The following SPATA17 variants were observed in gnomAD, a reference collection of about 807,000 sequenced individuals.
SPATA17 encodes spermatogenesis-associated protein 17.
A neutral mutation model predicts 62.2 loss-of-function variants in SPATA17; 53 were observed. The ratio of observed to expected loss-of-function variants is 0.85; its 90% confidence interval spans 0.68 to 1.07. The LOEUF is 1.07. Among genes scored for constraint, SPATA17 ranks in the 50% least tolerant of loss-of-function variants. SPATA17 has a pLI of 0.00. For synonymous variants in SPATA17, 146 were observed against 146.8 expected (o/e 0.99, Z 0.04); for missense variants, 466 against 425.5 (o/e 1.10, Z -0.84).
intron 5 of SPATA17, among the ~76,000 whole-genome samples, chr1:217,696,241 G>T (rs2102915590): frequency 6.6e-6 from 1 of 152,294 alleles, no homozygotes; most frequent in Admixed American, 6.5e-5. Flanking sequence ...ATTCGGGTGG[G>T]AGTGACCCGA....
At chr1:217,771,078 A>G (rs916511977) in intron 6 of SPATA17, among the ~76,000 whole-genome samples, 44 of 136,440 alleles carry the variant, frequency 3.2e-4, no homozygotes, top group African/African-American at 1.2e-3. Context: ...TGCCACATTC[A>G]CCACTGGGCC....
intron 9 of SPATA17, among the ~76,000 whole-genome samples, chr1:217,842,361 G>A (rs1675428801): frequency 6.6e-6 from 1 of 151,820 alleles, no homozygotes; most frequent in South Asian, 2.1e-4. Flanking sequence ...TTCAATTTTT[G>A]GAAGAGTTTG....
At chr1:217,846,176 T>C (rs1287931706) in intron 9 of SPATA17, among the ~76,000 whole-genome samples, 1 of 152,122 alleles carries the variant, frequency 6.6e-6, no homozygotes, top group East Asian at 1.9e-4. Context: ...CTAATGGGAT[T>C]CTAGATATAT....
At position 217,821,383 on chromosome 1, in the gene SPATA17, T is replaced by C. The variant is rs1160688270; in HGVS notation, c.1005+19533T>C. ...AAATGTGAGGAAGGCTAAGAGAATA[T>C]GCTTATCAAAAAAGTCAAGGAAAGA... On this transcript the variant is annotated intron_variant, in intron 9 of 10. Transcript: ENST00000366933. Among the ~76,000 whole-genome samples, 5 of 152,162 alleles carry C rather than the reference T, an allele frequency of 3.3e-5. No homozygotes were observed. The East Asian group carries it at 5.8e-4, about 18-fold the overall frequency.
At chr1:217,772,927 C>A (rs1673488739) in intron 6 of SPATA17, among the ~76,000 whole-genome samples, 1 of 152,032 alleles carries the variant, frequency 6.6e-6, no homozygotes, top group East Asian at 1.9e-4. Context: ...TAGGATGTTG[C>A]ATTTGGGATA....
At chr1:217,866,170 T>G (rs965629296) in intron 10 of SPATA17, among the ~76,000 whole-genome samples, 1 of 152,184 alleles carries the variant, frequency 6.6e-6, no homozygotes, top group South Asian at 2.1e-4. Flanking sequence ...AATTTTAGTT[T>G]AATAAGAAAA....
intron 6 of SPATA17, among the ~76,000 whole-genome samples, chr1:217,758,151 C>G (rs893258469): frequency 6.6e-6 from 1 of 152,166 alleles, no homozygotes; most frequent in Non-Finnish European, 1.5e-5. Context: ...GAGCCAAGTA[C>G]TCTTATAAGT....
chr1:217,653,823 A>T (rs944046677), intron 3 of SPATA17, among the ~76,000 whole-genome samples: 2 of 152,106 alleles, frequency 1.3e-5, no homozygotes, highest in East Asian at 3.9e-4. Context: ...ACATACGAAA[A>T]ACCCATATTT....
rs182685025 is a variant in SPATA17, at chr1:217,853,803, A to G, written c.1006-8971A>G. ...CTCATTAGCATTGAACTTGTGGCCA[A>G]TAGCACTATAACTCATGCTTGAATG... On this transcript the variant is annotated intron_variant, in intron 9 of 10. Transcript: ENST00000366933. Among the ~76,000 whole-genome samples, 12 of 152,302 alleles carry G rather than the reference A, an allele frequency of 7.9e-5. No individual in the cohort carries two copies. In the East Asian group the frequency reaches 2.3e-3, roughly 29 times the overall value.
intron 3 of SPATA17, among the ~76,000 whole-genome samples, chr1:217,662,668 C>A: frequency 6.6e-6 from 1 of 151,932 alleles, no homozygotes; most frequent in East Asian, 1.9e-4. Flanking sequence ...TATGTTGTTA[C>A]GATAAAAGCC....
At chr1:217,833,711 A>G (rs1675198165) in intron 9 of SPATA17, among the ~76,000 whole-genome samples, 2 of 152,214 alleles carry the variant, frequency 1.3e-5, no homozygotes, top group Non-Finnish European at 1.5e-5. Context: ...AATCTTAAAA[A>G]TGTCAAATTA....
intron 1 of SPATA17, among the ~76,000 whole-genome samples, chr1:217,633,161 G>A (rs929028280): frequency 8.6e-5 from 13 of 151,884 alleles, no homozygotes; most frequent in Non-Finnish European, 1.6e-4. Flanking sequence ...TCGCAATACT[G>A]CACTCCAGCC....
intron 5 of SPATA17, among the ~76,000 whole-genome samples, chr1:217,706,868 CTTTCT>C (rs1234833827): frequency 4.2e-5 from 6 of 141,782 alleles, no homozygotes; most frequent in African/African-American, 1.7e-4. Flanking sequence ...TTCTTTCTTT[CTTTCT>C]TTTTTTTTTT....
chr1:217,693,500 G>T (rs879299661), intron 5 of SPATA17, among the ~76,000 whole-genome samples: 6,511 of 138,012 alleles, frequency 0.047, 206 homozygotes, highest in Middle Eastern at 0.12. Flanking sequence ...CTTCAGTTCT[G>T]CTCTGATTTT....
chr1:217,775,645 T>G (rs527694369), intron 7 of SPATA17, among the ~76,000 whole-genome samples: 1 of 152,108 alleles, frequency 6.6e-6, no homozygotes, highest in South Asian at 2.1e-4. Flanking sequence ...GAGGTTGCAG[T>G]GAGCCGAGAT....
intron 4 of SPATA17, among the ~76,000 whole-genome samples, chr1:217,682,112 A>G (rs538419529): frequency 9.9e-5 from 15 of 152,234 alleles, no homozygotes; most frequent in African/African-American, 3.1e-4. Flanking sequence ...CTAAGTTAGT[A>G]TTTTTCAATA....
chr1:217,672,480 G>T (rs867498828), intron 4 of SPATA17, among the ~76,000 whole-genome samples: 1 of 152,058 alleles, frequency 6.6e-6, no homozygotes, highest in Non-Finnish European at 1.5e-5. Context: ...AAAGCCTATT[G>T]TAAGTTATAT....
At chr1:217,704,614 A>G (rs565421676) in intron 5 of SPATA17, among the ~76,000 whole-genome samples, 2 of 152,092 alleles carry the variant, frequency 1.3e-5, no homozygotes, top group East Asian at 3.9e-4. Flanking sequence ...ATATGTACTC[A>G]ATGTTTATTT....
chr1:217,700,389 T>C (rs1671566461), intron 5 of SPATA17, among the ~76,000 whole-genome samples: 1 of 152,212 alleles, frequency 6.6e-6, no homozygotes, highest in Non-Finnish European at 1.5e-5. Flanking sequence ...TATGTATATA[T>C]GCTTTAAATC....
Sources: allele counts gnomAD v4.1 joint callset (sites outside exome capture counted in the v4.1 genomes callset), GRCh38; gene constraint gnomAD v4.1.1; transcripts MANE v1.5; gene names NCBI Gene and HGNC (gene_info 2026-07-23, HGNC 2026-07-21).